TTC23: variants seen among roughly 807,000 people sequenced by gnomAD.
The protein encoded by TTC23 is tetratricopeptide repeat domain 23.
TTC23 carries 58 observed loss-of-function variants against 55.1 expected under a neutral mutation model. That is an observed-to-expected ratio of 1.05 (90% CI 0.85 to 1.31). The LOEUF (loss-of-function observed/expected upper bound fraction) is 1.31, where lower values mean the gene tolerates loss of function less well. TTC23 is among the 50% of genes most tolerant of loss of function. The pLI is 0.00. For missense variants in TTC23, 516 were observed against 534.4 expected (o/e 0.97, Z 0.34); for synonymous variants, 203 against 199.9 (o/e 1.02, Z -0.13).
intron 5 of TTC23, among the ~76,000 whole-genome samples, chr15:99,226,626 T>C (rs1004798509): frequency 4.6e-5 from 7 of 152,230 alleles, no homozygotes; most frequent in African/African-American, 1.4e-4. Context: ...CTATATTTAA[T>C]GTCAGCTTGC....
intron 9 of TTC23, among the ~76,000 whole-genome samples, chr15:99,182,343 C>A (rs1427162070): frequency 2.6e-5 from 4 of 151,770 alleles, no homozygotes; most frequent in African/African-American, 9.7e-5. Flanking sequence ...ATGACCCATA[C>A]TGGGCTCCAG....
chr15:99,212,280 G>GTA (rs1362095318), intron 8 of TTC23, among the ~76,000 whole-genome samples: 4 of 152,062 alleles, frequency 2.6e-5, no homozygotes. Context: ...GTGTGTGTGT[G>GTA]TGTGTGTGTG....
At chr15:99,246,201 T>C (rs948748100) in intron 1 of TTC23, among the ~76,000 whole-genome samples, 11 of 152,234 alleles carry the variant, frequency 7.2e-5, no homozygotes, top group African/African-American at 4.8e-5. Flanking sequence ...TCCAAATCTT[T>C]ACTGCTTCAA....
intron 8 of TTC23, among the ~76,000 whole-genome samples, chr15:99,209,331 A>T (rs2076860908): frequency 6.6e-6 from 1 of 152,200 alleles, no homozygotes; most frequent in African/African-American, 2.4e-5. Flanking sequence ...AAAGATAACA[A>T]ATGGGATTTT....
At chr15:99,171,615 T>C (rs991994274) in intron 10 of TTC23, among the ~76,000 whole-genome samples, 2 of 141,478 alleles carry the variant, frequency 1.4e-5, no homozygotes, top group Non-Finnish European at 3.0e-5. Flanking sequence ...CAGGCTGTAG[T>C]GCAGTGGTAC....
At chr15:99,181,993 CA>C (rs2151946347) in intron 9 of TTC23, among the ~76,000 whole-genome samples, 1 of 152,220 alleles carries the variant, frequency 6.6e-6, no homozygotes, top group South Asian at 2.1e-4. Flanking sequence ...ATAGATACCT[CA>C]AGGGCTTATA....
intron 12 of TTC23, 46 bp downstream of exon 12, chr15:99,156,102 G>C (rs1165084865): frequency 3.1e-6 from 5 of 1,611,582 alleles, no homozygotes; most frequent in Admixed American, 1.7e-5. Context: ...ACCTTGGAGA[G>C]GGGAGGGAGA....
Position 99,201,437 on chromosome 15 carries a change from T to C in TTC23, c.582-1341A>G, listed in dbSNP as rs1245982971. On this transcript the variant is annotated intron_variant, in intron 8 of 13. Transcript: ENST00000394132. ...CTTTTAATACCAAAAGGCCTTGTGA[T>C]TCCCAAACTGCCCAAGAGAAAGCTA... 2.6e-5 allele frequency among the ~76,000 whole-genome samples: 4 copies of C among 152,300 alleles called. No individual in the cohort carries two copies. In the East Asian group the frequency reaches 5.8e-4, roughly 22 times the overall value.
At chr15:99,174,529 C>T (rs768531064) in intron 10 of TTC23, among the ~76,000 whole-genome samples, 2 of 151,288 alleles carry the variant, frequency 1.3e-5, no homozygotes, top group African/African-American at 4.9e-5. Context: ...ATGCTCTGTA[C>T]GTGGATTAAA....
chr15:99,152,304 C>T (rs1184478371), intron 12 of TTC23, among the ~76,000 whole-genome samples: 2 of 152,186 alleles, frequency 1.3e-5, no homozygotes, highest in Admixed American at 1.3e-4. Flanking sequence ...GCTTGCACAG[C>T]CTGCAGAATC....
At chr15:99,209,712 A>G (rs145411214) in intron 8 of TTC23, among the ~76,000 whole-genome samples, 184 of 152,244 alleles carry the variant, frequency 1.2e-3, no homozygotes, top group African/African-American at 3.5e-3. Flanking sequence ...AATAATTGGT[A>G]GCTAGTGTGG....
chr15:99,229,491 C>A (rs1298903149), intron 4 of TTC23, among the ~76,000 whole-genome samples: 1 of 152,036 alleles, frequency 6.6e-6, no homozygotes, highest in Non-Finnish European at 1.5e-5. Flanking sequence ...GAAGAGGGGA[C>A]CCAGAAGTTA....
Position 99,156,316 on chromosome 15 carries a change from G to C in TTC23, c.994-19C>G, listed in dbSNP as rs749702238. The C allele has an allele frequency of 1.4e-5, 22 of 1,612,202 alleles. No individual in the cohort carries two copies. Among genetic ancestry groups the C allele is most frequent in the Non-Finnish European group, 1.9e-5 (22 of 1,178,804 alleles). On this transcript the variant is annotated intron_variant, in intron 11 of 13. Coordinates refer to ENST00000394132, the MANE Select transcript of TTC23 (RefSeq NM_001288615.3). ...TTGCTCTCTGTGAAAGGAACAAAAA[G>C]CTATCTGGTTAACAAGCTCAAAGGC...
intron 7 of TTC23, 41 bp from the exon 8 acceptor site, chr15:99,218,754 C>A: frequency 1.2e-6 from 2 of 1,612,548 alleles, no homozygotes; most frequent in Admixed American, 1.7e-5. Context: ...GTTCTAGATT[C>A]TACACCCCAT....
chr15:99,145,907 C>T (rs782099472), intron 12 of TTC23, among the ~76,000 whole-genome samples: 14 of 152,268 alleles, frequency 9.2e-5, no homozygotes, highest in African/African-American at 2.6e-4. Context: ...CACTGCCACC[C>T]GCACAACTCC....
intron 9 of TTC23, among the ~76,000 whole-genome samples, chr15:99,193,033 T>G (rs1236417161): frequency 6.6e-6 from 1 of 152,230 alleles, no homozygotes; most frequent in African/African-American, 2.4e-5. Context: ...CCCCTTTGTT[T>G]TGGCCAATTT....
At chr15:99,236,189 T>C (rs980879966) in intron 3 of TTC23, among the ~76,000 whole-genome samples, 3 of 152,206 alleles carry the variant, frequency 2.0e-5, no homozygotes, top group South Asian at 4.1e-4. Context: ...GATAATTATG[T>C]TTTTAGTTTT....
At chr15:99,219,684 C>T (rs959565681) in intron 6 of TTC23, among the ~76,000 whole-genome samples, 2 of 152,102 alleles carry the variant, frequency 1.3e-5, no homozygotes, top group African/African-American at 2.4e-5. Flanking sequence ...CAGTGTTCCT[C>T]CACGGGCTTG....
intron 5 of TTC23, among the ~76,000 whole-genome samples, chr15:99,222,817 GA>G (rs1381425358): frequency 1.2e-4 from 19 of 152,078 alleles, no homozygotes; most frequent in Admixed American, 2.6e-4. Flanking sequence ...CTAACATGGT[GA>G]AACCCCATCT....
Sources: allele counts gnomAD v4.1 joint callset (sites outside exome capture counted in the v4.1 genomes callset), GRCh38; gene constraint gnomAD v4.1.1; transcripts MANE v1.5; gene names NCBI Gene and HGNC (gene_info 2026-07-23, HGNC 2026-07-21).